The following AHR variants were observed in gnomAD, a reference collection of about 807,000 sequenced individuals.
AHR encodes the protein aryl hydrocarbon receptor.
AHR carries 40 observed loss-of-function variants against 86.8 expected under a neutral mutation model. That is an observed-to-expected ratio of 0.46 (90% CI 0.36 to 0.60). The LOEUF (loss-of-function observed/expected upper bound fraction) is 0.60, where lower values mean the gene tolerates loss of function less well. Among genes scored for constraint, AHR ranks in the 20% least tolerant of loss-of-function variants. The pLI is 0.00. For synonymous variants in AHR, 398 were observed against 354.9 expected (o/e 1.12, Z -1.37); for missense variants, 1,001 against 1,011.6 (o/e 0.99, Z 0.14).
At chr7:17,331,130 G>GATCTA (rs1228479190) in intron 6 of AHR, among the ~76,000 whole-genome samples, 1 of 151,864 alleles carries the variant, frequency 6.6e-6, no homozygotes, top group Non-Finnish European at 1.5e-5. Flanking sequence ...ATTTGAAGAT[G>GATCTA]ATCTGATTAG....
intron 2 of AHR, among the ~76,000 whole-genome samples, chr7:17,316,751 C>T (rs769404818): frequency 1.5e-4 from 23 of 152,092 alleles, no homozygotes; most frequent in Non-Finnish European, 3.1e-4. Context: ...ATTCTGTTGT[C>T]AGCTGGATTT....
chr7:17,319,820 A>G (rs981160651), intron 2 of AHR, among the ~76,000 whole-genome samples: 5 of 152,148 alleles, frequency 3.3e-5, no homozygotes, highest in Non-Finnish European at 7.4e-5. Flanking sequence ...TAGACATTAC[A>G]TAGTTTAGGC....
Position 17,322,582 on chromosome 7 carries a change from T to G in AHR, c.335T>G (p.Leu112Ter). The change falls in exon 3 of 11, where the codon TTA (leucine) becomes TGA (stop). Residue 112 changes from leucine to a stop codon, truncating the protein, a stop_gained. Transcript: ENST00000242057. LOFTEE classifies it high-confidence loss of function. ...GCAAATTTCAGAGAAGGCCTGAACT[T>G]ACAAGAAGGAGAATTCTTATTACAG... ...RAANFREGLN[L>*]QEGEFLLQAL... The G allele has an allele frequency of 6.2e-7, 1 of 1,611,278 alleles. No individual in the cohort carries two copies. The highest frequency in any genetic ancestry group is 8.5e-7 in the Non-Finnish European group (1 of 1,177,806).
chr7:17,329,800 C>A, intron 4 of AHR, 152 bp from the exon 5 acceptor site: 1 of 624,038 alleles, frequency 1.6e-6, no homozygotes, highest in Non-Finnish European at 2.5e-6. Flanking sequence ...ACCTTAGGTT[C>A]TATCTTAGGT....
At chr7:17,324,312 A>G (rs1435443336) in intron 3 of AHR, among the ~76,000 whole-genome samples, 1 of 152,174 alleles carries the variant, frequency 6.6e-6, no homozygotes, top group Non-Finnish European at 1.5e-5. Flanking sequence ...AACATTATAG[A>G]TATGTGGAAA....
chr7:17,318,452 G>A (rs1782137934), intron 2 of AHR, among the ~76,000 whole-genome samples: 1 of 152,084 alleles, frequency 6.6e-6, no homozygotes, highest in Non-Finnish European at 1.5e-5. Context: ...ATTCTTATTT[G>A]TATTGTACGA....
At chr7:17,322,982 A>G (rs1782189955) in intron 3 of AHR, among the ~76,000 whole-genome samples, 1 of 152,056 alleles carries the variant, frequency 6.6e-6, no homozygotes, top group Non-Finnish European at 1.5e-5. Context: ...TATACTGTAT[A>G]GCGTAAGTGT....
intron 2 of AHR, among the ~76,000 whole-genome samples, chr7:17,316,435 G>T (rs909497618): frequency 6.6e-6 from 1 of 152,098 alleles, no homozygotes; most frequent in African/African-American, 2.4e-5. Flanking sequence ...CCAGGACAAC[G>T]TAGTGAGACC....
At chr7:17,324,852 T>C (rs539413348) in intron 3 of AHR, among the ~76,000 whole-genome samples, 1 of 152,274 alleles carries the variant, frequency 6.6e-6, no homozygotes, top group East Asian at 1.9e-4. Flanking sequence ...TAGGTTAGCT[T>C]CAATTTATTA....
At chr7:17,301,997 T>C (rs1293292833) in intron 1 of AHR, among the ~76,000 whole-genome samples, 1 of 152,102 alleles carries the variant, frequency 6.6e-6, no homozygotes, top group South Asian at 2.1e-4. Context: ...TTATTCTCTT[T>C]GGAAATGAAA....
At position 17,298,893 on chromosome 7, in the gene AHR, C is replaced by G. The variant is rs1039166571; in HGVS notation, c.-372C>G. The G allele has an allele frequency of 3.5e-5, 14 of 404,562 alleles. No homozygotes were observed. The highest frequency in any genetic ancestry group is 6.1e-5 in the Non-Finnish European group (14 of 230,224). 25.1% of individuals were successfully genotyped at this position (404,562 alleles called of 1,614,324 possible). ...GGGGCGCGGCGCCACCGTGAGCGAC[C>G]CAGGCCAGGATTCTAAATAGACGGC... On this transcript the variant is annotated 5_prime_UTR_variant, in exon 1 of 11. Coordinates refer to ENST00000242057, the MANE Select transcript of AHR (RefSeq NM_001621.5).
At position 17,325,675 on chromosome 7, in the gene AHR, A is replaced by C. The variant is rs149014954; in HGVS notation, c.361-2084A>C. 7.9e-5 allele frequency among the ~76,000 whole-genome samples: 12 copies of C among 152,268 alleles called. No homozygotes were observed. The East Asian group carries it at 2.3e-3, about 29-fold the overall frequency. On this transcript the variant is annotated intron_variant, in intron 3 of 10. Transcript: ENST00000242057. Reference sequence around the variant, plus strand: ...GATGGAGCCGGAGGCCATTATCCTTAGCAAGCTACCACAGGAACAGAAAAA... The same window carrying C: ...GATGGAGCCGGAGGCCATTATCCTTCGCAAGCTACCACAGGAACAGAAAAA...
intron 6 of AHR, among the ~76,000 whole-genome samples, chr7:17,333,314 GA>G (rs1782320118): frequency 6.6e-6 from 1 of 151,870 alleles, no homozygotes; most frequent in Non-Finnish European, 1.5e-5. Context: ...TGGACTGGTT[GA>G]TATTGTTTTA....
chr7:17,308,223 C>G (rs943811127), intron 1 of AHR, among the ~76,000 whole-genome samples: 1 of 152,144 alleles, frequency 6.6e-6, no homozygotes, highest in Non-Finnish European at 1.5e-5. Context: ...CTTCTTTTCT[C>G]TCTTTCACCC....
At chr7:17,336,681 ATGTATG>A (rs1239865240) in intron 9 of AHR, among the ~76,000 whole-genome samples, 2 of 152,324 alleles carry the variant, frequency 1.3e-5, no homozygotes, top group Admixed American at 6.5e-5. Context: ...TGATGAATGT[ATGTATG>A]TGTATAAGTA....
At chr7:17,308,700 AACACACACACACACAC>A (rs372879452) in intron 1 of AHR, among the ~76,000 whole-genome samples, 1 of 139,510 alleles carries the variant, frequency 7.2e-6, no homozygotes. Flanking sequence ...TACATACATA[AACACACACACACACAC>A]ACACACACAC....
At position 17,299,244 on chromosome 7, in the gene AHR, C is replaced by G. The variant is rs772136473; in HGVS notation, c.-21C>G. 1 of 1,608,816 alleles carries G rather than the reference C, an allele frequency of 6.2e-7. No individual in the cohort carries two copies. The highest frequency in any genetic ancestry group is 1.1e-5 in the South Asian group (1 of 90,692). On this transcript the variant is annotated 5_prime_UTR_variant, in exon 1 of 11. Transcript: ENST00000242057. ...CGGCCGCCAGTGCCCGGGGAGTAGC[C>G]GCCGCCGTCGGCTGGGCACCATGAA...
rs184166049 is a variant in AHR, at chr7:17,319,547, A to G, written c.254-2954A>G. Among the ~76,000 whole-genome samples, 27 of 152,234 alleles carry G rather than the reference A, an allele frequency of 1.8e-4. 1 individual carries two copies. The highest frequency in any genetic ancestry group is 7.9e-4 in the Admixed American group (12 of 15,256). On this transcript the variant is annotated intron_variant, in intron 2 of 10. Coordinates refer to ENST00000242057, the MANE Select transcript of AHR (RefSeq NM_001621.5). ...TCTCATAGAACTATTATGAAGATTA[A>G]ATAGGATATAATACGTGGAAAGTGC... is the stretch of plus-strand genomic sequence containing the variant.
intron 4 of AHR, among the ~76,000 whole-genome samples, chr7:17,329,473 C>T (rs937942515): frequency 6.6e-6 from 1 of 151,844 alleles, no homozygotes; most frequent in Non-Finnish European, 1.5e-5. Context: ...GGTAAAGGCA[C>T]AATCCCTTGC....
Sources: gnomAD v4.1 joint callset for allele counts (sites outside exome capture counted in the v4.1 genomes callset) on GRCh38, gnomAD v4.1.1 for gene constraint, MANE v1.5 for transcripts, NCBI Gene and HGNC (gene_info 2026-07-23, HGNC 2026-07-21) for gene names.